Variants in FMN1 observed in about 807,000 individuals in gnomAD.
FMN1 encodes the protein formin 1.
A neutral mutation model predicts 132.4 loss-of-function variants in FMN1; 110 were observed. That is an observed-to-expected ratio of 0.83 (90% CI 0.71 to 0.97). FMN1 has a LOEUF of 0.97. Ranked by LOEUF, FMN1 falls within the 50% of genes least tolerant of loss-of-function variation. The pLI is 0.00. For synonymous variants in FMN1, 722 were observed against 651.7 expected (o/e 1.11, Z -1.64); for missense variants, 1,792 against 1,705.3 (o/e 1.05, Z -0.90).
chr15:33,057,671 G>T, intron 6 of FMN1, among the ~76,000 whole-genome samples: 1 of 152,096 alleles, frequency 6.6e-6, no homozygotes, highest in African/African-American at 2.4e-5. Context: ...GGACTTTCCC[G>T]GTCCTACTTT....
chr15:32,981,076 C>A (rs904879313), intron 7 of FMN1, among the ~76,000 whole-genome samples: 2 of 152,006 alleles, frequency 1.3e-5, no homozygotes, highest in Non-Finnish European at 2.9e-5. Flanking sequence ...TTATTTTATT[C>A]AATTCTATTC....
chr15:33,031,421 A>G (rs2035932528), intron 6 of FMN1, among the ~76,000 whole-genome samples: 1 of 152,068 alleles, frequency 6.6e-6, no homozygotes, highest in Non-Finnish European at 1.5e-5. Flanking sequence ...TCTCCAGAGG[A>G]GCTGCCCCAA....
At chr15:32,817,459 A>G (rs1346934899) in intron 17 of FMN1, among the ~76,000 whole-genome samples, 1 of 152,216 alleles carries the variant, frequency 6.6e-6, no homozygotes, top group Non-Finnish European at 1.5e-5. Flanking sequence ...CGGGTCCACT[A>G]GAAATGGTAC....
At chr15:32,832,801 T>G (rs2058533658) in intron 17 of FMN1, among the ~76,000 whole-genome samples, 1 of 152,062 alleles carries the variant, frequency 6.6e-6, no homozygotes, top group Non-Finnish European at 1.5e-5. Context: ...TGCTTGGAAT[T>G]GCTGATAATC....
At chr15:33,118,068 C>T (rs1294732710) in intron 4 of FMN1, among the ~76,000 whole-genome samples, 1 of 152,092 alleles carries the variant, frequency 6.6e-6, no homozygotes, top group African/African-American at 2.4e-5. Flanking sequence ...TCTGACTTTC[C>T]ACAAGAAGAA....
chr15:33,060,992 T>C (rs772651756), intron 6 of FMN1, among the ~76,000 whole-genome samples: 1 of 152,168 alleles, frequency 6.6e-6, no homozygotes. Flanking sequence ...ACATAGGAGA[T>C]GGAGGCGAAA....
intron 6 of FMN1, among the ~76,000 whole-genome samples, chr15:33,052,552 A>G (rs1261028228): frequency 1.4e-5 from 2 of 147,780 alleles, no homozygotes; most frequent in African/African-American, 4.9e-5. Context: ...CTACAATTCA[A>G]TTCAATTCAA....
chr15:32,958,919 G>A (rs544650552), intron 9 of FMN1, among the ~76,000 whole-genome samples: 30 of 151,976 alleles, frequency 2.0e-4, no homozygotes, highest in Admixed American at 8.5e-4. Flanking sequence ...GTGGGTGCCT[G>A]TAATCGTAGC....
At chr15:32,971,063 G>T (rs1348045161) in intron 7 of FMN1, among the ~76,000 whole-genome samples, 1 of 152,214 alleles carries the variant, frequency 6.6e-6, no homozygotes, top group Non-Finnish European at 1.5e-5. Context: ...TTAGGCACTT[G>T]CGAGTTCTAT....
At chr15:32,820,311 C>CA (rs2058176129) in intron 17 of FMN1, among the ~76,000 whole-genome samples, 1 of 152,080 alleles carries the variant, frequency 6.6e-6, no homozygotes, top group South Asian at 2.1e-4. Flanking sequence ...TTTGCGTTAA[C>CA]AGACAGGCCA....
In FMN1 at chr15:32,874,459, C is replaced by T. The variant is rs143776311; in HGVS notation, c.3835+13713G>A. The stretch of plus-strand genomic sequence containing the variant: ...TTCCAAGGTATATAATGCCTTGAAA[C>T]CAAGGTGGCAAGTATTAGTTGATTC... On this transcript the variant is annotated intron_variant, in intron 16 of 20. Transcript: ENST00000616417. Among the ~76,000 whole-genome samples, 1,207 of 152,128 alleles carry T rather than the reference C, an allele frequency of 7.9e-3. 13 individuals are homozygous for T. Among genetic ancestry groups the T allele is most frequent in the Middle Eastern group, 0.02 (6 of 294 alleles).
At chr15:32,890,442 A>AT (rs1465459792) in intron 15 of FMN1, among the ~76,000 whole-genome samples, 1 of 151,944 alleles carries the variant, frequency 6.6e-6, no homozygotes, top group Non-Finnish European at 1.5e-5. Context: ...CTGTTTTCTG[A>AT]TTTTTTGATT....
chr15:32,927,970 G>A (rs1250811545), intron 9 of FMN1, among the ~76,000 whole-genome samples: 1 of 152,200 alleles, frequency 6.6e-6, no homozygotes, highest in Non-Finnish European at 1.5e-5. Flanking sequence ...TACTGTAATA[G>A]CTGAGTTGCT....
At chr15:33,008,939 C>G (rs1030814748) in intron 6 of FMN1, among the ~76,000 whole-genome samples, 1 of 152,120 alleles carries the variant, frequency 6.6e-6, no homozygotes, top group Non-Finnish European at 1.5e-5. Flanking sequence ...GCAGTTTGAC[C>G]TCATTGAAAT....
chr15:32,910,872 A>T (rs2141666636), intron 10 of FMN1, among the ~76,000 whole-genome samples: 1 of 152,326 alleles, frequency 6.6e-6, no homozygotes, highest in Non-Finnish European at 1.5e-5. Flanking sequence ...TTTCTTCCCG[A>T]TGGTAATTGA....
intron 18 of FMN1, among the ~76,000 whole-genome samples, chr15:32,799,292 TG>T (rs1408656378): frequency 6.6e-6 from 1 of 152,198 alleles, no homozygotes; most frequent in African/African-American, 2.4e-5. Flanking sequence ...TTATGTTTAG[TG>T]ATTACATGCA....
At chr15:33,156,209 C>T (rs1018771017) in intron 3 of FMN1, among the ~76,000 whole-genome samples, 3 of 150,806 alleles carry the variant, frequency 2.0e-5, no homozygotes, top group African/African-American at 7.3e-5. Context: ...AACCAGAATG[C>T]CAGGAGACCA....
intron 4 of FMN1, among the ~76,000 whole-genome samples, chr15:33,110,832 T>C (rs1245386070): frequency 6.6e-6 from 1 of 152,096 alleles, no homozygotes; most frequent in African/African-American, 2.4e-5. Flanking sequence ...GTATTTTTAG[T>C]CCATTAAAAT....
In FMN1 at chr15:33,181,949, A is replaced by G. The variant is rs142644390; in HGVS notation, c.-196-1687T>C. Among the ~76,000 whole-genome samples, 1,497 of 152,124 alleles carry G rather than the reference A, an allele frequency of 9.8e-3. 61 individuals are homozygous for G. The East Asian group carries it at 0.12, about 12-fold the overall frequency. On this transcript the variant is annotated intron_variant, in intron 2 of 20. Coordinates refer to ENST00000616417, the MANE Select transcript of FMN1 (RefSeq NM_001277313.2). ...GCTCTCGAACTCCTGACCTCAGGTG[A>G]TCTACCTGCCTCGGCCTCCCAAAGT...
Sources: allele counts gnomAD v4.1 joint callset (sites outside exome capture counted in the v4.1 genomes callset), GRCh38; gene constraint gnomAD v4.1.1; transcripts MANE v1.5; gene names NCBI Gene and HGNC (gene_info 2026-07-23, HGNC 2026-07-21).